The following FOXP1 variants were observed in gnomAD, a reference collection of about 807,000 sequenced individuals.
The protein encoded by FOXP1 is forkhead box P1.
FOXP1 carries 15 observed loss-of-function variants against 98.2 expected under a neutral mutation model. The observed-to-expected ratio is 0.15, with a 90% CI of 0.10 to 0.24. The LOEUF is 0.24. Ranked by LOEUF, FOXP1 falls within the 10% of genes least tolerant of loss-of-function variation. The pLI is 1.00. For missense variants in FOXP1, 633 were observed against 848.5 expected, an observed-to-expected ratio of 0.75 and a Z score of 3.15; for synonymous variants, 371 against 314.5, an observed-to-expected ratio of 1.18 and a Z score of -1.90.
At chr3:71,313,057 C>CCTTTTTTTTTTTTT (rs2074808068) in intron 4 of FOXP1, among the ~76,000 whole-genome samples, 1 of 119,034 alleles carries the variant, frequency 8.4e-6, no homozygotes, top group African/African-American at 3.2e-5. Flanking sequence ...AACTTTAATT[C>CCTTTTTTTTTTTTT]TTTTTTTTTT....
At chr3:71,336,358 A>G (rs1320067026) in intron 4 of FOXP1, among the ~76,000 whole-genome samples, 4 of 152,142 alleles carry the variant, frequency 2.6e-5, no homozygotes, top group African/African-American at 7.2e-5. Context: ...TGCTGCACCT[A>G]TCAACCAGAC....
chr3:70,979,956 C>T (rs970960559), intron 14 of FOXP1, among the ~76,000 whole-genome samples: 2 of 151,810 alleles, frequency 1.3e-5, no homozygotes, highest in African/African-American at 4.8e-5. Context: ...GTTGTGCTTT[C>T]CTTTTTATTT....
At chr3:71,331,554 G>A (rs1432553908) in intron 4 of FOXP1, among the ~76,000 whole-genome samples, 2 of 152,258 alleles carry the variant, frequency 1.3e-5, no homozygotes, top group Non-Finnish European at 2.9e-5. Context: ...GAAGCCAACT[G>A]GGCTCCTGAG....
chr3:71,410,760 A>G (rs1378419946), intron 3 of FOXP1, among the ~76,000 whole-genome samples: 1 of 152,208 alleles, frequency 6.6e-6, no homozygotes, highest in Non-Finnish European at 1.5e-5. Context: ...GTTCCATGAT[A>G]CCTTACCTTT....
At chr3:71,279,882 G>C (rs1016526556) in intron 5 of FOXP1, among the ~76,000 whole-genome samples, 10 of 152,036 alleles carry the variant, frequency 6.6e-5, no homozygotes, top group African/African-American at 2.4e-4. Context: ...CCAGCACTTT[G>C]CGAGGCCGAG....
At chr3:71,230,275 C>T (rs1283866363) in intron 5 of FOXP1, among the ~76,000 whole-genome samples, 1 of 152,222 alleles carries the variant, frequency 6.6e-6, no homozygotes, top group Admixed American at 6.5e-5. Context: ...AACTGCTGTT[C>T]TTTGAACCAA....
rs118014880 is a variant in FOXP1, at chr3:71,096,371, C to T, written c.282+16165G>A. On this transcript the variant is annotated intron_variant, in intron 7 of 20. Coordinates refer to ENST00000649528, the MANE Select transcript of FOXP1 (RefSeq NM_001349338.3). ...ATTCTCATTCAGAAGATAAGAGTTC[C>T]GGAGCCTAACTGTGAGTTTTAAAAG... 1.1e-3 allele frequency among the ~76,000 whole-genome samples: 168 copies of T among 152,190 alleles called. 1 individual carries two copies. In the East Asian group the frequency reaches 0.03, roughly 27 times the overall value.
intron 5 of FOXP1, among the ~76,000 whole-genome samples, chr3:71,212,533 A>T (rs2064562089): frequency 6.6e-6 from 1 of 152,216 alleles, no homozygotes; most frequent in Non-Finnish European, 1.5e-5. Flanking sequence ...AGTAGCTCCA[A>T]CAATGAGCCT....
At chr3:71,212,697 CA>C (rs2064578637) in intron 5 of FOXP1, among the ~76,000 whole-genome samples, 1 of 152,096 alleles carries the variant, frequency 6.6e-6, no homozygotes, top group Non-Finnish European at 1.5e-5. Context: ...CTTTATTGGT[CA>C]AAAAGATGAA....
At chr3:71,111,587 T>TG (rs199934535) in intron 7 of FOXP1, among the ~76,000 whole-genome samples, 4,729 of 152,146 alleles carry the variant, frequency 0.031, 94 homozygotes, top group Non-Finnish European at 0.049. Flanking sequence ...TTGGTAGAGA[T>TG]GGAGTTTCAC....
chr3:71,226,056 C>A (rs999984063), intron 5 of FOXP1, among the ~76,000 whole-genome samples: 1 of 152,196 alleles, frequency 6.6e-6, no homozygotes, highest in Non-Finnish European at 1.5e-5. Context: ...TCAGGAGAGA[C>A]AGGGGCAGAG....
At chr3:71,094,566 T>C (rs1165300918) in intron 7 of FOXP1, among the ~76,000 whole-genome samples, 3 of 152,238 alleles carry the variant, frequency 2.0e-5, no homozygotes, top group Non-Finnish European at 2.9e-5. Context: ...GTTTGGCCCA[T>C]GGGTTTACAA....
intron 5 of FOXP1, among the ~76,000 whole-genome samples, chr3:71,272,649 A>G (rs1214585352): frequency 2.7e-5 from 4 of 148,118 alleles, no homozygotes; most frequent in Non-Finnish European, 4.4e-5. Flanking sequence ...CTTTATTCTC[A>G]TTGACTAGCA....
chr3:71,306,485 T>C (rs1197550975), intron 4 of FOXP1, among the ~76,000 whole-genome samples: 1 of 152,128 alleles, frequency 6.6e-6, no homozygotes, highest in African/African-American at 2.4e-5. Context: ...CATTGTAAGT[T>C]GATACTTGTG....
intron 5 of FOXP1, among the ~76,000 whole-genome samples, chr3:71,236,886 A>AT (rs2066829707): frequency 6.6e-6 from 1 of 151,614 alleles, no homozygotes; most frequent in African/African-American, 2.4e-5. Flanking sequence ...GAAAAAAAAA[A>AT]GAAAAAGAAA....
intron 2 of FOXP1, among the ~76,000 whole-genome samples, chr3:71,560,163 TTC>T (rs1177907234): frequency 3.9e-5 from 6 of 152,192 alleles, no homozygotes; most frequent in Admixed American, 6.5e-5. Flanking sequence ...CTAAATTATC[TTC>T]TGTTTCTTCA....
intron 5 of FOXP1, among the ~76,000 whole-genome samples, chr3:71,284,444 G>C (rs74531484): frequency 1.3e-5 from 2 of 152,138 alleles, no homozygotes; most frequent in East Asian, 1.9e-4. Flanking sequence ...TGCAACTGAA[G>C]TCTAAGCTAC....
Position 71,122,314 on chromosome 3 carries a change from C to T in FOXP1, c.181-9677G>A, listed in dbSNP as rs142071099. Among the ~76,000 whole-genome samples the T allele has an allele frequency of 2.3e-3, 356 of 152,162 alleles. 4 individuals carry two copies. The highest frequency in any genetic ancestry group is 8.3e-3 in the African/African-American group (345 of 41,508). Reference sequence around the variant, plus strand: ...GTAAAAATGATTTAGAGGCAACATTCCAGCAGAGATAGAAGACAAAAGAAA... The same window carrying T: ...GTAAAAATGATTTAGAGGCAACATTTCAGCAGAGATAGAAGACAAAAGAAA... On this transcript the variant is annotated intron_variant, in intron 6 of 20. Coordinates refer to ENST00000649528, the MANE Select transcript of FOXP1 (RefSeq NM_001349338.3).
At chr3:70,975,104 T>C (rs1474917009) in intron 17 of FOXP1, among the ~76,000 whole-genome samples, 1 of 152,208 alleles carries the variant, frequency 6.6e-6, no homozygotes, top group African/African-American at 2.4e-5. Context: ...TCTAAGGCTG[T>C]TTATATTAAT....
Sources: gnomAD v4.1 joint callset for allele counts (sites outside exome capture counted in the v4.1 genomes callset) on GRCh38, gnomAD v4.1.1 for gene constraint, MANE v1.5 for transcripts, NCBI Gene and HGNC (gene_info 2026-07-23, HGNC 2026-07-21) for gene names.